DHH: variants seen among roughly 807,000 people sequenced by gnomAD.
DHH encodes desert hedgehog protein.
In DHH, 16 loss-of-function variants were observed where a neutral mutation model predicts 27.6. The observed-to-expected ratio is 0.58, with a 90% CI of 0.39 to 0.88. The LOEUF (loss-of-function observed/expected upper bound fraction) is 0.88, where lower values mean the gene tolerates loss of function less well. Ranked by LOEUF, DHH falls within the 40% of genes least tolerant of loss-of-function variation. DHH has a pLI of 0.00. For synonymous variants in DHH, 289 were observed against 263.4 expected (o/e 1.10, Z -0.94); for missense variants, 436 against 563.1 (o/e 0.77, Z 2.28).
In DHH at chr12:49,091,394, C is replaced by A; in HGVS notation, c.304-5G>T. 6.2e-7 allele frequency: 1 copy of A among 1,613,884 alleles called. No individual in the cohort carries two copies. Among genetic ancestry groups the A allele is most frequent in the Non-Finnish European group, 8.5e-7 (1 of 1,179,996 alleles). ...GTTCACCCGCTCCTTACAACGCTGG[C>A]GGGGAATAAAGGAGTCAGTCTCCCC... On this transcript the variant is annotated splice_region_variant and splice_polypyrimidine_tract_variant and intron_variant, in intron 1 of 2. Coordinates refer to ENST00000649637, the MANE Select transcript of DHH (RefSeq NM_021044.4). The surrounding 1 kb of genome is among the most constrained non-coding windows in gnomAD (Gnocchi z 4.8).
Position 49,091,114 on chromosome 12 carries a change from T to A in DHH, c.565+14A>T. On this transcript the variant is annotated intron_variant, in intron 2 of 2. Transcript: ENST00000649637. The surrounding 1 kb of genome is among the most constrained non-coding windows in gnomAD (Gnocchi z 4.8). ...CCCCTTTGGGCGGATTTTACCACCC[T>A]CCTCCTACTGTACCAGCTTTGACCG... is the stretch of plus-strand genomic sequence containing the variant. The A allele has an allele frequency of 1.2e-6, 2 of 1,614,166 alleles. No individual in the cohort carries two copies. The highest frequency in any genetic ancestry group is 1.7e-6 in the Non-Finnish European group (2 of 1,180,018).
In DHH at chr12:49,094,562, C is replaced by T; in HGVS notation, c.-50G>A. On this transcript the variant is annotated 5_prime_UTR_variant, in exon 1 of 3. Transcript: ENST00000649637. ...GGGAGCGTTCTTGTCCTCACTAACT[C>T]TCCTGTCAGTTAGGCATCTCCACAG... The T allele has an allele frequency of 6.5e-7, 1 of 1,538,708 alleles. No individual in the cohort carries two copies. The highest frequency in any genetic ancestry group is 8.8e-7 in the Non-Finnish European group (1 of 1,136,820).
Position 49,089,919 on chromosome 12 carries a change from C to A in DHH, c.1131G>T (p.Pro377=). ...GCCGAGAGTACCAATGCATGCCAGT[C>A]GGCTGGACGGCCCCGCCGGGGAGCA... ...GALLPGGAVQ[P]TGMHWYSRLL... is the part of the protein sequence containing the mutation. The change falls in exon 3 of 3, where the codon CCG becomes CCT. Residue 377 remains proline, a synonymous_variant. Transcript: ENST00000649637. The A allele has an allele frequency of 1.9e-6, 3 of 1,590,002 alleles. No individual in the cohort carries two copies. Among genetic ancestry groups the A allele is most frequent in the South Asian group, 1.1e-5 (1 of 87,484 alleles).
rs1939373578 is a variant in DHH at position 49,094,693 on chromosome 12, GC to G, written c.-182del. On this transcript the variant is annotated 5_prime_UTR_variant, in exon 1 of 3. Coordinates refer to ENST00000649637, the MANE Select transcript of DHH (RefSeq NM_021044.4). ...CTCTGCCCACGTGCCCCGGGAGCGG[GC>G]GGGGGGTGTCTAGGACCTGCTACTG... 1 of 763,692 alleles carries G rather than the reference GC, an allele frequency of 1.3e-6. No individual in the cohort carries two copies. Among genetic ancestry groups the G allele is most frequent in the Admixed American group, 2.2e-5 (1 of 45,782 alleles). 47.3% of individuals were successfully genotyped at this position (763,692 alleles called of 1,614,324 possible). A position where few individuals can be genotyped will look rare whatever the true frequency, so the allele number is the denominator to read the frequency against.
Position 49,090,460 on chromosome 12 carries a change from C to G in DHH, c.590G>C (p.Gly197Ala). ...KADNSLAVRA[G>A]GCFPGNATVR... ...AGTTGCATTTCCCGGAAAGCAGCCG[C>G]CCGCCCGGACCGCCAGTGAGTTATC... The change falls in exon 3 of 3, where the codon GGC (glycine) becomes GCC (alanine). Residue 197 changes from glycine to alanine, a missense_variant. By Grantham distance (60) the Gly-to-Ala change is moderately conservative. Coordinates refer to ENST00000649637, the MANE Select transcript of DHH (RefSeq NM_021044.4). The surrounding 1 kb of genome is among the most constrained non-coding windows in gnomAD (Gnocchi z 5.2). 1 of 1,603,790 alleles carries G rather than the reference C, an allele frequency of 6.2e-7. No homozygotes were observed. The highest frequency in any genetic ancestry group is 8.5e-7 in the Non-Finnish European group (1 of 1,179,782).
Position 49,089,778 on chromosome 12 carries a change from C to G in DHH, c.*81G>C, listed in dbSNP as rs980515493. The G allele has an allele frequency of 2.1e-6, 3 of 1,419,882 alleles. No individual in the cohort carries two copies. In the African/African-American group the frequency reaches 4.4e-5, roughly 21 times the overall value. The allele number at this position is 1,419,882 out of a possible 1,614,324, so 88.0% of individuals were successfully genotyped here. A position where few individuals can be genotyped will look rare whatever the true frequency, so the allele number is the denominator to read the frequency against. ...CCTCTCCCTCCCTTCCAGTCGGCAT[C>G]GTCTGCTGCCCACAGCCCCATATCT... is the stretch of plus-strand genomic sequence containing the variant. On this transcript the variant is annotated 3_prime_UTR_variant, in exon 3 of 3. Transcript: ENST00000649637.
rs1408172574 is a variant in DHH at position 49,086,720 on chromosome 12, AC to A, written c.*3138del. ...AAAGTAGTTTCAGGCACTACCTGGA[AC>A]CCCATTATGCTTTCACCTCCTTGAC... On this transcript the variant is annotated 3_prime_UTR_variant, in exon 3 of 3. Transcript: ENST00000649637. Among the ~76,000 whole-genome samples, 1 of 152,082 alleles carries A rather than the reference AC, an allele frequency of 6.6e-6. No homozygotes were observed. Among genetic ancestry groups the A allele is most frequent in the Admixed American group, 6.6e-5 (1 of 15,254 alleles).
chr12:49,094,768 G>C lies in DHH; in HGVS notation c.-256C>G, dbSNP rs563591024. On this transcript the variant is annotated 5_prime_UTR_variant, in exon 1 of 3. Coordinates refer to ENST00000649637, the MANE Select transcript of DHH (RefSeq NM_021044.4). ...GGGGTCGTGGGTGAGTGCCAGCCCAGCCCGTCTCTGCTGCAGGACTCTGGT... is the reference window on the plus strand; with the variant it reads ...GGGGTCGTGGGTGAGTGCCAGCCCACCCCGTCTCTGCTGCAGGACTCTGGT... 54 of 586,278 alleles carry C rather than the reference G, an allele frequency of 9.2e-5. No individual in the cohort carries two copies. The East Asian group carries it at 1.6e-3, about 17-fold the overall frequency. 36.3% of individuals were successfully genotyped at this position (586,278 alleles called of 1,614,324 possible). A position where few individuals can be genotyped will look rare whatever the true frequency, so the allele number is the denominator to read the frequency against.
chr12:49,094,634 G>A lies in DHH; in HGVS notation c.-122C>T. Reference sequence around the variant, plus strand: ...ACAGCTGCCCCCAGAGTGCCCTAGAGCTCTTGTGGCTCCGTGCACCTGGCT... The same window carrying A: ...ACAGCTGCCCCCAGAGTGCCCTAGAACTCTTGTGGCTCCGTGCACCTGGCT... On this transcript the variant is annotated 5_prime_UTR_variant, in exon 1 of 3. Coordinates refer to ENST00000649637, the MANE Select transcript of DHH (RefSeq NM_021044.4). The A allele has an allele frequency of 1.7e-6, 2 of 1,165,606 alleles. No individual in the cohort carries two copies. Among genetic ancestry groups the A allele is most frequent in the Non-Finnish European group, 2.5e-6 (2 of 802,872 alleles). 72.2% of individuals were successfully genotyped at this position (1,165,606 alleles called of 1,614,324 possible). A position where few individuals can be genotyped will look rare whatever the true frequency, so the allele number is the denominator to read the frequency against.
rs1465700142 is a variant in DHH, at chr12:49,088,308, A to G, written c.*1551T>C. 1.3e-5 allele frequency among the ~76,000 whole-genome samples: 2 copies of G among 152,162 alleles called. No individual in the cohort carries two copies. Among genetic ancestry groups the G allele is most frequent in the Non-Finnish European group, 2.9e-5 (2 of 68,014 alleles). On this transcript the variant is annotated 3_prime_UTR_variant, in exon 3 of 3. Coordinates refer to ENST00000649637, the MANE Select transcript of DHH (RefSeq NM_021044.4). The stretch of plus-strand genomic sequence containing the variant: ...GCTGGCAGCTTAACAAGGCCCACCC[A>G]TCATCTCTCCCTCCTGGGAGCGGGC...
In DHH at chr12:49,094,421, C is replaced by G. The variant is rs1245159176; in HGVS notation, c.92G>C (p.Gly31Ala). The stretch of plus-strand genomic sequence containing the variant: ...CTGCTTGCGCGCATAGCGGCGCCGG[C>G]CAACCGGCCCCCGGCCCGGCCCGCA... ...QSCGPGRGPVGRRRYARKQLV... is the reference protein window; with the variant it reads ...QSCGPGRGPVARRRYARKQLV... Residue 31 changes from glycine (G) to alanine (A), a missense_variant, in exon 1 of 3, where the codon GGC becomes GCC. Physicochemically the swap from Gly to Ala is moderately conservative, Grantham distance 60. Coordinates refer to ENST00000649637, the MANE Select transcript of DHH (RefSeq NM_021044.4). The G allele has an allele frequency of 3.1e-6, 5 of 1,608,754 alleles. No homozygotes were observed. The highest frequency in any genetic ancestry group is 4.2e-6 in the Non-Finnish European group (5 of 1,177,972).
chr12:49,091,999 G>C lies in DHH; in HGVS notation c.304-610C>G, dbSNP rs547659462. On this transcript the variant is annotated intron_variant, in intron 1 of 2. Transcript: ENST00000649637. The surrounding 1 kb of genome is among the most constrained non-coding windows in gnomAD (Gnocchi z 4.8). ...ATTGGGGTGGCGGGGGTTGCGCGAA[G>C]TACAATGGCCATTATCCGGGATGAC... Among the ~76,000 whole-genome samples the C allele has an allele frequency of 6.6e-6, 1 of 152,280 alleles. No individual in the cohort carries two copies. The highest frequency in any genetic ancestry group is 1.9e-4 in the East Asian group (1 of 5,170).
Position 49,090,588 on chromosome 12 carries a change from G to T in DHH, c.566-104C>A. The T allele has an allele frequency of 6.7e-7, 1 of 1,484,972 alleles. No homozygotes were observed. Among genetic ancestry groups the T allele is most frequent in the Non-Finnish European group, 9.1e-7 (1 of 1,099,646 alleles). 92.0% of individuals were successfully genotyped at this position (1,484,972 alleles called of 1,614,324 possible). A position where few individuals can be genotyped will look rare whatever the true frequency, so the allele number is the denominator to read the frequency against. ...CCAGTCATGGACAACACAATTTTCC[G>T]TTAATCTGACTGGCCCCAACCTGGG... On this transcript the variant is annotated intron_variant, in intron 2 of 2. Transcript: ENST00000649637. This position sits in a 1 kb window ranked among gnomAD's most constrained non-coding sequence, Gnocchi z 5.2.
In DHH at chr12:49,090,592, A is replaced by G. The variant is rs1055387755; in HGVS notation, c.566-108T>C. ...TCATGGACAACACAATTTTCCGTTAATCTGACTGGCCCCAACCTGGGCAGA... is the reference window on the plus strand; with the variant it reads ...TCATGGACAACACAATTTTCCGTTAGTCTGACTGGCCCCAACCTGGGCAGA... On this transcript the variant is annotated intron_variant, in intron 2 of 2. Transcript: ENST00000649637. This position sits in a 1 kb window ranked among gnomAD's most constrained non-coding sequence, Gnocchi z 5.2. 1 of 1,460,056 alleles carries G rather than the reference A, an allele frequency of 6.8e-7. No homozygotes were observed. Among genetic ancestry groups the G allele is most frequent in the Non-Finnish European group, 9.3e-7 (1 of 1,077,806 alleles). 90.4% of individuals were successfully genotyped at this position (1,460,056 alleles called of 1,614,324 possible). A position where few individuals can be genotyped will look rare whatever the true frequency, so the allele number is the denominator to read the frequency against.
At position 49,089,251 on chromosome 12, in the gene DHH, C is replaced by A. The variant is rs376447609; in HGVS notation, c.*608G>T. On this transcript the variant is annotated 3_prime_UTR_variant, in exon 3 of 3. Coordinates refer to ENST00000649637, the MANE Select transcript of DHH (RefSeq NM_021044.4). ...GGAAACAGCAGCCTGGAAAAGGGTA[C>A]GACTCTTGTGGGCTCTGTTGCTTAT... 4.6e-5 allele frequency among the ~76,000 whole-genome samples: 7 copies of A among 152,228 alleles called. No individual in the cohort carries two copies. The highest frequency in any genetic ancestry group is 3.3e-4 in the Admixed American group (5 of 15,286).
In DHH at chr12:49,094,312, C is replaced by T; in HGVS notation, c.201G>A (p.Val67=). ...LGASGPAEGR[V]ARGSERFRDL... ...CCCGGAAGCGCTCGGAGCCCCTTGC[C>T]ACCCTCCCCTCCGCTGGCCCACTGG... Residue 67 remains valine, a synonymous_variant, in exon 1 of 3, where the codon GTG becomes GTA. Coordinates refer to ENST00000649637, the MANE Select transcript of DHH (RefSeq NM_021044.4). The T allele has an allele frequency of 6.2e-7, 1 of 1,613,376 alleles. No individual in the cohort carries two copies. The highest frequency in any genetic ancestry group is 1.7e-5 in the Admixed American group (1 of 60,026).
Position 49,090,297 on chromosome 12 carries a change from A to G in DHH, c.753T>C (p.Ala251=), listed in dbSNP as rs146122556. The change falls in exon 3 of 3, where the codon GCT becomes GCC. Residue 251 remains alanine (A), a synonymous_variant. Coordinates refer to ENST00000649637, the MANE Select transcript of DHH (RefSeq NM_021044.4). This position sits in a 1 kb window ranked among gnomAD's most constrained non-coding sequence, Gnocchi z 5.2. The stretch of plus-strand genomic sequence containing the variant: ...ACTCGGTCTCCACAGCCACAAATGA[A>G]GCCCGGCGCTGCAAGTCCCGGTCCA... ...LFLDRDLQRR[A]SFVAVETEWP... is the part of the protein sequence containing the mutation. 4.4e-6 allele frequency: 7 copies of G among 1,589,740 alleles called. No individual in the cohort carries two copies. The highest frequency in any genetic ancestry group is 1.3e-5 in the African/African-American group (1 of 74,670).
chr12:49,091,455 A>C lies in DHH; in HGVS notation c.304-66T>G. ...TTGGGGCAAAAGGGACCTGGATAGG[A>C]GGGTTGATTCTTTGTTATTCCGGCC... On this transcript the variant is annotated intron_variant, in intron 1 of 2. Coordinates refer to ENST00000649637, the MANE Select transcript of DHH (RefSeq NM_021044.4). This position sits in a 1 kb window ranked among gnomAD's most constrained non-coding sequence, Gnocchi z 4.8. 6.3e-7 allele frequency: 1 copy of C among 1,596,266 alleles called. No individual in the cohort carries two copies. The highest frequency in any genetic ancestry group is 8.5e-7 in the Non-Finnish European group (1 of 1,173,350).
In DHH at chr12:49,094,460, A is replaced by G. The variant is rs1187737242; in HGVS notation, c.53T>C (p.Leu18Pro). The G allele has an allele frequency of 1.3e-6, 2 of 1,588,696 alleles. No individual in the cohort carries two copies. Among genetic ancestry groups the G allele is most frequent in the African/African-American group, 2.7e-5 (2 of 74,234 alleles). ...GCCCGGCCCGCAGCTCTGGGCTGGC[A>G]GCGCCAGAAGTGCCAAGCAGCACAG... The part of the protein sequence containing the change: ...LPLCCLALLA[L>P]PAQSCGPGRG... The change falls in exon 1 of 3, where the codon CTG (leucine) becomes CCG (proline). Residue 18 changes from leucine (L) to proline (P), a missense_variant. Coordinates refer to ENST00000649637, the MANE Select transcript of DHH (RefSeq NM_021044.4).
Sources: gnomAD v4.1 joint callset for allele counts (sites outside exome capture counted in the v4.1 genomes callset) on GRCh38, gnomAD v4.1.1 for gene constraint, Gnocchi (gnomAD v3.1) non-coding constraint, MANE v1.5 for transcripts, NCBI Gene and HGNC (gene_info 2026-07-23, HGNC 2026-07-21) for gene names.